The following GALNT13 variants were observed in gnomAD, a reference collection of about 807,000 sequenced individuals.
GALNT13 encodes the protein UDP-GalNAc:polypeptide N-acetylgalactosaminyltransferase 13.
A neutral mutation model predicts 64.2 loss-of-function variants in GALNT13; 28 were observed. That is an observed-to-expected ratio of 0.44 (90% CI 0.32 to 0.60). The LOEUF (loss-of-function observed/expected upper bound fraction) is 0.60. GALNT13 is among the 20% of genes least tolerant of loss of function. The pLI is 0.05. For synonymous variants in GALNT13, 214 were observed against 224.6 expected (o/e 0.95, Z 0.42); for missense variants, 577 against 669.8 (o/e 0.86, Z 1.53).
chr2:154,200,192 G>A (rs909100492), intron 4 of GALNT13, among the ~76,000 whole-genome samples: 1 of 151,920 alleles, frequency 6.6e-6, no homozygotes, highest in Admixed American at 6.6e-5. Flanking sequence ...TTTTGTCTTT[G>A]CATATTCAAG....
the GALNT13 span, among the ~76,000 whole-genome samples, chr2:153,372,538 C>T: frequency 0.012 from 1,762 of 151,894 alleles, 17 homozygotes; most frequent in Non-Finnish European, 0.019. Flanking sequence ...CCCAGCTACT[C>T]GGAAGGCTGA....
the GALNT13 span, among the ~76,000 whole-genome samples, chr2:153,271,524 A>G: frequency 2.6e-5 from 4 of 152,228 alleles, no homozygotes; most frequent in Non-Finnish European, 1.5e-5. Flanking sequence ...CAATTGCTAC[A>G]AAGAGAATAA....
intron 1 of GALNT13, among the ~76,000 whole-genome samples, chr2:153,885,662 A>G (rs2105253147): frequency 6.6e-6 from 1 of 152,184 alleles, no homozygotes; most frequent in Non-Finnish European, 1.5e-5. Flanking sequence ...TGATTACCTG[A>G]TGTGCTTGCA....
chr2:153,147,151 A>G, the GALNT13 span, among the ~76,000 whole-genome samples: 4 of 137,804 alleles, frequency 2.9e-5, no homozygotes, highest in East Asian at 8.8e-4. Flanking sequence ...CATTTGGGCA[A>G]AAAAGAAAAA....
At chr2:153,855,835 A>G in the GALNT13 span, among the ~76,000 whole-genome samples, 1 of 152,284 alleles carries the variant, frequency 6.6e-6, no homozygotes, top group African/African-American at 2.4e-5. Context: ...AAAATAACCT[A>G]AATGTTGAAT....
chr2:153,668,808 G>A, the GALNT13 span, among the ~76,000 whole-genome samples: 2 of 152,146 alleles, frequency 1.3e-5, no homozygotes, highest in African/African-American at 4.8e-5. Flanking sequence ...TTACAGAACG[G>A]ATAAGGAAAG....
the GALNT13 span, among the ~76,000 whole-genome samples, chr2:153,652,726 G>A: frequency 0.38 from 57,945 of 151,972 alleles, 13,458 homozygotes; most frequent in Middle Eastern, 0.54. Context: ...CAGTTTGTCC[G>A]AATGTAATTG....
At chr2:154,372,465 G>A (rs1207224282) in intron 9 of GALNT13, among the ~76,000 whole-genome samples, 2 of 152,024 alleles carry the variant, frequency 1.3e-5, no homozygotes, top group Admixed American at 6.6e-5. Flanking sequence ...AGATATCTAT[G>A]TACAAATGCA....
the GALNT13 span, among the ~76,000 whole-genome samples, chr2:153,536,449 G>GT: frequency 6.6e-6 from 1 of 152,060 alleles, no homozygotes; most frequent in Non-Finnish European, 1.5e-5. Flanking sequence ...ACTGATGTAA[G>GT]AAGTGATTTT....
chr2:153,414,399 A>ATG, the GALNT13 span, among the ~76,000 whole-genome samples: 1 of 138,148 alleles, frequency 7.2e-6, no homozygotes, highest in Admixed American at 7.0e-5. Context: ...AAAAAAAATA[A>ATG]AATAAAAAGT....
the GALNT13 span, among the ~76,000 whole-genome samples, chr2:153,739,351 TATTA>T: frequency 1.3e-5 from 2 of 151,528 alleles, no homozygotes; most frequent in African/African-American, 4.8e-5. Context: ...TATCAATATA[TATTA>T]ATTCTGTATT....
At chr2:153,668,846 G>T in the GALNT13 span, among the ~76,000 whole-genome samples, 1 of 152,298 alleles carries the variant, frequency 6.6e-6, no homozygotes, top group South Asian at 2.1e-4. Context: ...AGGCCTGAGG[G>T]TTTGGCATAA....
In GALNT13 at chr2:154,417,556, G is replaced by A. The variant is rs950488740; in HGVS notation, c.1395+8474G>A. ...GGCGGAGTCTTGCTCTGTTGCCCAG[G>A]CTGGAGTGCAGTGACACAATTTTGG... On this transcript the variant is annotated intron_variant, in intron 11 of 12. Coordinates refer to ENST00000392825, the MANE Select transcript of GALNT13 (RefSeq NM_052917.4). Among the ~76,000 whole-genome samples, 6 of 141,208 alleles carry A rather than the reference G, an allele frequency of 4.2e-5. No homozygotes were observed. In the East Asian group the frequency reaches 1.0e-3, roughly 24 times the overall value. 92.6% of individuals were successfully genotyped at this position (141,208 alleles called of 152,430 possible).
the GALNT13 span, among the ~76,000 whole-genome samples, chr2:153,278,548 C>T: frequency 6.6e-6 from 1 of 152,042 alleles, no homozygotes; most frequent in East Asian, 1.9e-4. Context: ...GAAAGGCAGT[C>T]ATCCAGTTTT....
At chr2:153,068,639 T>TA in the GALNT13 span, among the ~76,000 whole-genome samples, 1 of 152,144 alleles carries the variant, frequency 6.6e-6, no homozygotes, top group Non-Finnish European at 1.5e-5. Context: ...ATTATATATA[T>TA]TTTTTATGGT....
chr2:153,422,674 G>C, the GALNT13 span, among the ~76,000 whole-genome samples: 18 of 151,930 alleles, frequency 1.2e-4, no homozygotes, highest in Non-Finnish European at 1.9e-4. Context: ...ATGAAAACTA[G>C]ACCACACAAT....
the GALNT13 span, among the ~76,000 whole-genome samples, chr2:153,124,234 T>C: frequency 4.6e-5 from 7 of 152,184 alleles, no homozygotes; most frequent in African/African-American, 1.7e-4. Context: ...TTTGAAATAA[T>C]AACTGTAGCC....
chr2:153,630,808 T>TATTTA, the GALNT13 span, among the ~76,000 whole-genome samples: 167 of 16,946 alleles, frequency 9.9e-3, no homozygotes, highest in East Asian at 0.021. Context: ...TATATATATA[T>TATTTA]TTTTTTTTTT....
At chr2:154,217,534 T>A (rs1278923569) in intron 4 of GALNT13, among the ~76,000 whole-genome samples, 1 of 152,178 alleles carries the variant, frequency 6.6e-6, no homozygotes, top group Non-Finnish European at 1.5e-5. Flanking sequence ...TGATGTTATA[T>A]ACATCTTCTG....
Sources: gnomAD v4.1 joint callset for allele counts (sites outside exome capture counted in the v4.1 genomes callset) on GRCh38, gnomAD v4.1.1 for gene constraint, MANE v1.5 for transcripts, NCBI Gene and HGNC (gene_info 2026-07-23, HGNC 2026-07-21) for gene names.